Variants in TENT4A observed in about 807,000 individuals in gnomAD.
TENT4A encodes terminal nucleotidyltransferase 4A, also known as DNA polymerase kappa.
In TENT4A, 7 loss-of-function variants were observed where a neutral mutation model predicts 72.8. The observed-to-expected ratio is 0.10, with a 90% CI of 0.05 to 0.18. TENT4A has a LOEUF of 0.18. TENT4A is among the 10% of genes least tolerant of loss of function. The pLI, the probability that TENT4A is intolerant of heterozygous loss-of-function variation, is 1.00. For synonymous variants in TENT4A, 456 were observed against 434.3 expected (o/e 1.05, Z -0.62); for missense variants, 831 against 1,017.7 (o/e 0.82, Z 2.50).
In TENT4A at chr5:6,714,461, C is replaced by T. The variant is rs1252268760; in HGVS notation, c.478C>T (p.Pro160Ser). ...FNFADGAPSA[P>S]GTANGHPGPR... Reference sequence around the variant, plus strand: ...CTTCGCCGACGGCGCGCCCAGCGCCCCTGGCACAGCCAACGGGCACCCCGG... The same window carrying T: ...CTTCGCCGACGGCGCGCCCAGCGCCTCTGGCACAGCCAACGGGCACCCCGG... Residue 160 changes from proline to serine, a missense_variant, in exon 1 of 13, where the codon CCT becomes TCT. Pro to Ser is a moderately conservative substitution (Grantham distance 74). This residue lies in a region of TENT4A where 302 missense variants were observed against 293.8 expected (regional missense o/e 1.03). Transcript: ENST00000230859. 2 of 1,179,344 alleles carry T rather than the reference C, an allele frequency of 1.7e-6. No homozygotes were observed. Among genetic ancestry groups the T allele is most frequent in the African/African-American group, 1.6e-5 (1 of 61,996 alleles). The allele number at this position is 1,179,344 out of a possible 1,614,324, so 73.1% of individuals were successfully genotyped here. A position where few individuals can be genotyped will look rare whatever the true frequency, so the allele number is the denominator to read the frequency against.
intron 9 of TENT4A, 135 bp downstream of exon 9, chr5:6,749,792 A>G (rs1046480631): frequency 3.1e-6 from 2 of 650,382 alleles, no homozygotes; most frequent in African/African-American, 3.6e-5. Flanking sequence ...AATTAAGAAG[A>G]CAATAAGATC....
At chr5:6,715,729 A>G (rs1278937015) in intron 1 of TENT4A, among the ~76,000 whole-genome samples, 1 of 152,214 alleles carries the variant, frequency 6.6e-6, no homozygotes, top group Non-Finnish European at 1.5e-5. Flanking sequence ...CATTTGAAGT[A>G]TGTTGGGAAA....
Position 6,714,278 on chromosome 5 carries a change from G to A in TENT4A, c.295G>A (p.Ala99Thr). ...GGCGCTGGGGCCCGCGGCCGAGGGC[G>A]CGCGGCGCTTGCACAAGTCGCCGTC... ...LTALGPAAEGARRLHKSPSLS... is the reference protein window; with the variant it reads ...LTALGPAAEGTRRLHKSPSLS... The change falls in exon 1 of 13, where the codon GCG becomes ACG. Residue 99 changes from alanine (A) to threonine (T), a missense_variant. This residue lies in a region of TENT4A where 302 missense variants were observed against 293.8 expected (regional missense o/e 1.03). Transcript: ENST00000230859. The A allele has an allele frequency of 4.7e-6, 5 of 1,070,520 alleles. No individual in the cohort carries two copies. The highest frequency in any genetic ancestry group is 4.5e-6 in the Non-Finnish European group (4 of 886,838). 66.3% of individuals were successfully genotyped at this position (1,070,520 alleles called of 1,614,324 possible).
At chr5:6,716,944 A>G (rs759031038) in intron 1 of TENT4A, among the ~76,000 whole-genome samples, 3 of 152,170 alleles carry the variant, frequency 2.0e-5, no homozygotes, top group Non-Finnish European at 2.9e-5. Context: ...GTCTCTGCCC[A>G]AAGGGGCCTG....
chr5:6,714,759 G>A, intron 1 of TENT4A, 60 bp downstream of exon 1: 11 of 980,694 alleles, frequency 1.1e-5, no homozygotes, highest in Non-Finnish European at 1.4e-5. Flanking sequence ...GCCGGCGCCC[G>A]CGGTGCAGAC....
At chr5:6,727,051 G>A (rs1049733607) in intron 1 of TENT4A, among the ~76,000 whole-genome samples, 2 of 151,912 alleles carry the variant, frequency 1.3e-5, no homozygotes, top group South Asian at 2.1e-4. Flanking sequence ...TTGCTTCTTC[G>A]CTCTTGTTCC....
intron 11 of TENT4A, 124 bp downstream of exon 11, chr5:6,751,321 A>G: frequency 1.0e-6 from 1 of 978,442 alleles, no homozygotes; most frequent in South Asian, 1.5e-5. Context: ...GTATTTGGCC[A>G]TTGGTGTGTT....
chr5:6,749,306 AG>A (rs778274715), intron 8 of TENT4A, among the ~76,000 whole-genome samples: 6 of 152,188 alleles, frequency 3.9e-5, no homozygotes, highest in Non-Finnish European at 7.3e-5. Flanking sequence ...GTGGGTGGGA[AG>A]GCCCCGCTCC....
At chr5:6,720,694 A>G (rs982126919) in intron 1 of TENT4A, among the ~76,000 whole-genome samples, 6 of 150,942 alleles carry the variant, frequency 4.0e-5, no homozygotes, top group South Asian at 2.1e-4. Context: ...AAATAAATAA[A>G]TAAATAAATA....
intron 4 of TENT4A, 35 bp from the exon 5 acceptor site, chr5:6,742,455 A>G (rs770517664): frequency 4.5e-6 from 6 of 1,346,160 alleles, no homozygotes; most frequent in Non-Finnish European, 5.3e-6. Context: ...AGAGTCCTGC[A>G]TGTTAAAGCA....
At chr5:6,747,911 T>C (rs1742192254) in intron 7 of TENT4A, among the ~76,000 whole-genome samples, 1 of 152,230 alleles carries the variant, frequency 6.6e-6, no homozygotes, top group Non-Finnish European at 1.5e-5. Flanking sequence ...TGATTTGCTG[T>C]CCCAGTTTTC....
At chr5:6,745,109 G>A (rs1001220439) in intron 6 of TENT4A, among the ~76,000 whole-genome samples, 9 of 152,126 alleles carry the variant, frequency 5.9e-5, no homozygotes, top group African/African-American at 2.2e-4. Context: ...TGAGTTTCTT[G>A]ACTAAGTGAG....
In TENT4A at chr5:6,721,174, G is replaced by A. The variant is rs187366328; in HGVS notation, c.716+6475G>A. 3.1e-3 allele frequency among the ~76,000 whole-genome samples: 469 copies of A among 152,260 alleles called. 3 individuals are homozygous for A. The highest frequency in any genetic ancestry group is 0.011 in the African/African-American group (461 of 41,554). On this transcript the variant is annotated intron_variant, in intron 1 of 12. Transcript: ENST00000230859. ...CCCGCATTCTTAGTGCCAAGCACAC[G>A]GTAGCCACTAAGTAAGTATCTCCCA...
chr5:6,737,793 A>G (rs1247166752), intron 2 of TENT4A, among the ~76,000 whole-genome samples, 160 bp downstream of exon 2: 1 of 152,234 alleles, frequency 6.6e-6, no homozygotes, highest in African/African-American at 2.4e-5. Flanking sequence ...GTTGCCTGGA[A>G]TGCATGGCCC....
chr5:6,748,068 G>A (rs1484560144), intron 7 of TENT4A, among the ~76,000 whole-genome samples: 3 of 152,196 alleles, frequency 2.0e-5, no homozygotes, highest in East Asian at 1.9e-4. Flanking sequence ...TCAGATCAGC[G>A]ATCACAGTGG....
chr5:6,756,911 G>A lies in TENT4A; in HGVS notation c.*1966G>A, dbSNP rs942659701. 5 of 152,568 alleles carry A rather than the reference G, an allele frequency of 3.3e-5. No individual in the cohort carries two copies. Among genetic ancestry groups the A allele is most frequent in the African/African-American group, 9.7e-5 (4 of 41,406 alleles). 9.5% of individuals were successfully genotyped at this position (152,568 alleles called of 1,614,324 possible). A position where few individuals can be genotyped will look rare whatever the true frequency, so the allele number is the denominator to read the frequency against. ...AATTGGCCTGGCTACCACTGTGGTC[G>A]CGTGCTACAGGTTTGACAAAAAGAT... On this transcript the variant is annotated 3_prime_UTR_variant, in exon 13 of 13. Coordinates refer to ENST00000230859, the MANE Select transcript of TENT4A (RefSeq NM_006999.6).
intron 1 of TENT4A, among the ~76,000 whole-genome samples, chr5:6,724,075 TA>T (rs1359794509): frequency 2.6e-5 from 4 of 152,242 alleles, no homozygotes; most frequent in Non-Finnish European, 4.4e-5. Flanking sequence ...AATCCTGGAC[TA>T]TAACTCATTT....
chr5:6,748,000 C>A (rs1252897328), intron 7 of TENT4A, among the ~76,000 whole-genome samples: 2 of 152,196 alleles, frequency 1.3e-5, no homozygotes, highest in Admixed American at 6.5e-5. Flanking sequence ...TTGTGATGCA[C>A]TTGGGGTGAG....
chr5:6,736,243 T>C (rs1257330027), intron 1 of TENT4A, among the ~76,000 whole-genome samples: 1 of 152,152 alleles, frequency 6.6e-6, no homozygotes, highest in East Asian at 1.9e-4. Context: ...CAAATGACTC[T>C]TTTGGCGGGG....
Sources: allele counts gnomAD v4.1 joint callset (sites outside exome capture counted in the v4.1 genomes callset), GRCh38; gene constraint gnomAD v4.1.1; regional missense constraint gnomAD v4.1.1; transcripts MANE v1.5; gene names NCBI Gene and HGNC (gene_info 2026-07-23, HGNC 2026-07-21).